Variants in DPYD observed in about 807,000 individuals in gnomAD.
DPYD encodes the protein dihydropyrimidine dehydrogenase.
A neutral mutation model predicts 116.2 loss-of-function variants in DPYD; 109 were observed. The ratio of observed to expected loss-of-function variants is 0.94; its 90% CI spans 0.80 to 1.10. DPYD has a LOEUF of 1.10. Among genes scored for constraint, DPYD ranks in the 50% least tolerant of loss-of-function variants. The pLI, the probability that DPYD is intolerant of heterozygous loss-of-function variation, is 0.00. For synonymous variants in DPYD, 440 were observed against 432.0 expected, an observed-to-expected ratio of 1.02 and a Z score of -0.23; for missense variants, 1,302 against 1,254.5, an observed-to-expected ratio of 1.04 and a Z score of -0.57.
intron 18 of DPYD, among the ~76,000 whole-genome samples, chr1:97,293,079 T>C (rs1177568411): frequency 6.6e-6 from 1 of 152,168 alleles, no homozygotes; most frequent in East Asian, 1.9e-4. Context: ...TATATTAATA[T>C]GAGAAATGCA....
At chr1:97,477,604 C>CTTTTTTTTTTTTTTTT (rs56199931) in intron 13 of DPYD, among the ~76,000 whole-genome samples, 1 of 113,654 alleles carries the variant, frequency 8.8e-6, no homozygotes, top group African/African-American at 3.4e-5. Context: ...GACTGTTCTT[C>CTTTTTTTTTTTTTTTT]TTTTTTTTTT....
At chr1:97,693,511 T>C (rs1204885457) in intron 6 of DPYD, among the ~76,000 whole-genome samples, 1 of 152,080 alleles carries the variant, frequency 6.6e-6, no homozygotes, top group Non-Finnish European at 1.5e-5. Context: ...CAGAATGCTC[T>C]GGGCACCAAG....
intron 12 of DPYD, among the ~76,000 whole-genome samples, chr1:97,530,925 T>C (rs1649571855): frequency 6.6e-6 from 1 of 152,180 alleles, no homozygotes; most frequent in South Asian, 2.1e-4. Context: ...TTTGAAAAAA[T>C]ATCTATTCAA....
At chr1:97,245,152 A>G (rs1485354923) in intron 18 of DPYD, among the ~76,000 whole-genome samples, 17 of 152,140 alleles carry the variant, frequency 1.1e-4, no homozygotes, top group Admixed American at 9.8e-4. Context: ...CATCATTACA[A>G]GTCACATATA....
At chr1:97,158,469 C>CAGACACA (rs1450882944) in intron 20 of DPYD, among the ~76,000 whole-genome samples, 66 of 51,064 alleles carry the variant, frequency 1.3e-3, no homozygotes, top group Admixed American at 6.3e-3. Flanking sequence ...AGATAACTCA[C>CAGACACA]CAGACACACA....
At chr1:97,183,316 T>A (rs77283449) in intron 20 of DPYD, among the ~76,000 whole-genome samples, 10,511 of 152,158 alleles carry the variant, frequency 0.069, 623 homozygotes, top group East Asian at 0.27. Flanking sequence ...GTTTATTTTT[T>A]AATATAGGTA....
chr1:97,581,911 G>A lies in DPYD; in HGVS notation c.1129-7941C>T, dbSNP rs116659786. ...GAAGAAGTGGGTGTGGAAGGGTAAA[G>A]GAGTTTATCTCAAGAAGAAAAGAAG... On this transcript the variant is annotated intron_variant, in intron 10 of 22. Transcript: ENST00000370192. 5.7e-3 allele frequency among the ~76,000 whole-genome samples: 873 copies of A among 152,228 alleles called. 16 individuals are homozygous for A. The highest frequency in any genetic ancestry group is 0.02 in the African/African-American group (813 of 41,542).
chr1:97,752,036 GC>G (rs1171069362), intron 3 of DPYD, among the ~76,000 whole-genome samples: 1 of 152,116 alleles, frequency 6.6e-6, no homozygotes, highest in African/African-American at 2.4e-5. Flanking sequence ...TGGGATTACA[GC>G]TGTGAGCCAC....
chr1:97,377,519 G>A (rs1671702843), intron 15 of DPYD, among the ~76,000 whole-genome samples: 1 of 152,076 alleles, frequency 6.6e-6, no homozygotes, highest in Non-Finnish European at 1.5e-5. Context: ...CTATACCTCA[G>A]GAGGGAAAGG....
chr1:97,186,505 A>T (rs1459564818), intron 20 of DPYD, among the ~76,000 whole-genome samples: 1 of 152,142 alleles, frequency 6.6e-6, no homozygotes, highest in Non-Finnish European at 1.5e-5. Context: ...TCCACTCACA[A>T]GTGGGAACAT....
At chr1:97,679,217 G>T in intron 7 of DPYD, 35 bp from the exon 8 acceptor site, 1 of 1,174,990 alleles carries the variant, frequency 8.5e-7, no homozygotes, top group Non-Finnish European at 1.2e-6. Flanking sequence ...AGAAAATTTG[G>T]CATATGATTA....
chr1:97,218,876 T>C (rs1162188080), intron 19 of DPYD, among the ~76,000 whole-genome samples: 1 of 152,096 alleles, frequency 6.6e-6, no homozygotes, highest in Non-Finnish European at 1.5e-5. Flanking sequence ...AACATGAGTG[T>C]AGGTGTTAGG....
rs891942709 is a variant in DPYD at position 97,565,802 on chromosome 1, G to A, written c.1339+7958C>T. On this transcript the variant is annotated intron_variant, in intron 11 of 22. Coordinates refer to ENST00000370192, the MANE Select transcript of DPYD (RefSeq NM_000110.4). ...TGCCTGGAACACAGTTGTGCATCAA[G>A]AAATGTTCATTGCATGGTGAATAAT... is the stretch of plus-strand genomic sequence containing the variant. 7.9e-5 allele frequency among the ~76,000 whole-genome samples: 12 copies of A among 152,100 alleles called. No individual in the cohort carries two copies. The East Asian group carries it at 9.6e-4, about 12-fold the overall frequency.
At chr1:97,175,250 T>C (rs1235629344) in intron 20 of DPYD, among the ~76,000 whole-genome samples, 1 of 149,544 alleles carries the variant, frequency 6.7e-6, no homozygotes, top group East Asian at 1.9e-4. Context: ...TGAAGTAATA[T>C]CTCATTGTAG....
intron 2 of DPYD, among the ~76,000 whole-genome samples, chr1:97,839,245 A>C (rs1238380297): frequency 6.6e-6 from 1 of 152,234 alleles, no homozygotes; most frequent in African/African-American, 2.4e-5. Flanking sequence ...TTTTAACTTC[A>C]AATCTTAATA....
intron 10 of DPYD, among the ~76,000 whole-genome samples, chr1:97,587,824 CA>C (rs1245977630): frequency 2.8e-3 from 162 of 57,392 alleles, no homozygotes; most frequent in Admixed American, 4.6e-3. Context: ...ACTCCATCTC[CA>C]AAAAAAAAAA....
intron 18 of DPYD, among the ~76,000 whole-genome samples, chr1:97,275,095 G>A (rs1664850959): frequency 6.6e-6 from 1 of 152,116 alleles, no homozygotes; most frequent in Non-Finnish European, 1.5e-5. Context: ...CTTGGCATTA[G>A]GTAAAAGTGT....
At chr1:97,636,386 T>C (rs924547197) in intron 8 of DPYD, among the ~76,000 whole-genome samples, 9 of 152,092 alleles carry the variant, frequency 5.9e-5, no homozygotes, top group African/African-American at 1.7e-4. Flanking sequence ...AATCATCACA[T>C]CTGAGTCCTA....
At chr1:97,743,178 T>C (rs757386675) in intron 3 of DPYD, among the ~76,000 whole-genome samples, 4 of 152,128 alleles carry the variant, frequency 2.6e-5, no homozygotes, top group Non-Finnish European at 5.9e-5. Context: ...ATTGAGCTAG[T>C]TCACAAATAA....
Sources: gnomAD v4.1 joint callset for allele counts (sites outside exome capture counted in the v4.1 genomes callset) on GRCh38, gnomAD v4.1.1 for gene constraint, MANE v1.5 for transcripts, NCBI Gene and HGNC (gene_info 2026-07-23, HGNC 2026-07-21) for gene names.